EIF4G3: variants seen among roughly 807,000 people sequenced by gnomAD.
EIF4G3 encodes the protein eukaryotic translation initiation factor 4 gamma 3, also known as eIF-4-gamma 3.
EIF4G3 carries 34 observed loss-of-function variants against 186.4 expected under a neutral mutation model. The observed-to-expected ratio is 0.18, with a 90% CI of 0.14 to 0.24. The LOEUF (loss-of-function observed/expected upper bound fraction) is 0.24, where lower values mean the gene tolerates loss of function less well. Among genes scored for constraint, EIF4G3 ranks in the 10% least tolerant of loss-of-function variants. The probability of loss-of-function intolerance (pLI) is 1.00; values close to 1 mark genes in which losing one functional copy is unlikely to be tolerated. For synonymous variants in EIF4G3, 673 were observed against 679.5 expected (o/e 0.99, Z 0.15); for missense variants, 1,536 against 1,948.5 (o/e 0.79, Z 3.99).
At position 20,851,330 on chromosome 1, in the gene EIF4G3, T is replaced by G. The variant is rs2073219490; in HGVS notation, c.3700A>C (p.Lys1234Gln). ...EQRREMLETV[K>Q]QLTGGVDVER... ...ACATCCACACCTCCTGTGAGCTGCT[T>G]CACGGTCTCCAGCATCTCTCTCCGC... is the stretch of plus-strand genomic sequence containing the variant. Residue 1234 changes from lysine (K) to glutamine (Q), a missense_variant, in exon 28 of 37, where the codon AAG becomes CAG. Coordinates refer to ENST00000602326, the MANE Select transcript of EIF4G3 (RefSeq NM_001391906.1). The G allele has an allele frequency of 6.2e-7, 1 of 1,614,060 alleles. No homozygotes were observed. The highest frequency in any genetic ancestry group is 1.7e-5 in the Admixed American group (1 of 59,994).
At chr1:21,101,575 A>AAAAAAAAAAAAAAC (rs1557966654) in intron 2 of EIF4G3, among the ~76,000 whole-genome samples, 1 of 131,074 alleles carries the variant, frequency 7.6e-6, no homozygotes, top group Non-Finnish European at 1.6e-5. Context: ...AAAAAAAAAA[A>AAAAAAAAAAAAAAC]CAACAAAAAA....
intron 24 of EIF4G3, 146 bp from the exon 25 acceptor site, chr1:20,857,643 G>C: frequency 1.4e-6 from 1 of 728,840 alleles, no homozygotes; most frequent in Non-Finnish European, 2.4e-6. Context: ...CCCATGGCAG[G>C]AAAATATAAG....
intron 2 of EIF4G3, among the ~76,000 whole-genome samples, chr1:21,153,339 AC>A (rs1187143195): frequency 3.9e-5 from 6 of 152,188 alleles, no homozygotes; most frequent in African/African-American, 1.2e-4. Context: ...TTAACTATCT[AC>A]TATGACAGCT....
At chr1:21,103,413 AAAAT>A (rs2096561374) in intron 2 of EIF4G3, among the ~76,000 whole-genome samples, 1 of 152,244 alleles carries the variant, frequency 6.6e-6, no homozygotes, top group Non-Finnish European at 1.5e-5. Context: ...GAGAACTGTA[AAAAT>A]AAAATAAAAT....
intron 3 of EIF4G3, among the ~76,000 whole-genome samples, chr1:21,077,089 G>A (rs7541923): frequency 6.6e-6 from 1 of 151,852 alleles, no homozygotes; most frequent in Non-Finnish European, 1.5e-5. Flanking sequence ...CAACTCAACA[G>A]CAAAAAGAAA....
intron 11 of EIF4G3, among the ~76,000 whole-genome samples, chr1:20,970,125 G>A (rs551440796): frequency 1.7e-4 from 26 of 152,078 alleles, no homozygotes; most frequent in African/African-American, 5.1e-4. Flanking sequence ...GGTACCTGGC[G>A]TAGAATAAAG....
Position 20,893,589 on chromosome 1 carries a change from C to T in EIF4G3, c.2181G>A (p.Leu727=). The T allele has an allele frequency of 6.3e-7, 1 of 1,591,174 alleles. No individual in the cohort carries two copies. The highest frequency in any genetic ancestry group is 8.6e-7 in the Non-Finnish European group (1 of 1,163,116). Residue 727 remains leucine, a synonymous_variant, in exon 18 of 37, where the codon TTG becomes TTA. Transcript: ENST00000602326. ...LPMRTLDPRI[L]PRGPDFTPAF... ...CTGGTGTAAAGTCTGGTCCTCGAGGCAAAATTCGAGGATCCAGAGTTCGCA... is the reference window on the plus strand; with the variant it reads ...CTGGTGTAAAGTCTGGTCCTCGAGGTAAAATTCGAGGATCCAGAGTTCGCA...
chr1:20,810,304 G>A lies in EIF4G3; in HGVS notation c.4744+434C>T, dbSNP rs1356046608. On this transcript the variant is annotated intron_variant, in intron 36 of 36. Coordinates refer to ENST00000602326, the MANE Select transcript of EIF4G3 (RefSeq NM_001391906.1). The surrounding 1 kb of genome is among the most constrained non-coding windows in gnomAD (Gnocchi z 4.1). ...CAAGTAGCTGGGATTACAGGTGCCC[G>A]CCACCACACCCAGCTAATTTTTTGT... Among the ~76,000 whole-genome samples, 3 of 151,964 alleles carry A rather than the reference G, an allele frequency of 2.0e-5. No homozygotes were observed. Among genetic ancestry groups the A allele is most frequent in the Non-Finnish European group, 4.4e-5 (3 of 67,984 alleles).
chr1:20,814,468 CAT>C (rs992130518), intron 34 of EIF4G3, among the ~76,000 whole-genome samples: 1 of 152,094 alleles, frequency 6.6e-6, no homozygotes, highest in African/African-American at 2.4e-5. Context: ...CACTTAAAAA[CAT>C]ATTTTATTCC....
chr1:21,010,419 C>CAAAAAAAAAAAAAAAA (rs11318361), intron 4 of EIF4G3, among the ~76,000 whole-genome samples: 5 of 101,078 alleles, frequency 4.9e-5, no homozygotes, highest in Admixed American at 9.9e-5. Context: ...GACTCTGTCT[C>CAAAAAAAAAAAAAAAA]AAAAAAAAAA....
intron 4 of EIF4G3, among the ~76,000 whole-genome samples, chr1:21,024,493 T>G (rs954994412): frequency 5.3e-4 from 80 of 151,938 alleles, no homozygotes; most frequent in Admixed American, 2.2e-3. Context: ...ATGGTTGCCG[T>G]GTCTGTGTAG....
At chr1:21,168,329 G>A (rs1037889860) in intron 2 of EIF4G3, among the ~76,000 whole-genome samples, 11 of 151,894 alleles carry the variant, frequency 7.2e-5, no homozygotes, top group Admixed American at 3.9e-4. Flanking sequence ...TGCTTGACCC[G>A]GGAGGCCAAG....
intron 29 of EIF4G3, chr1:20,841,356 T>C (rs978501209): frequency 7.2e-5 from 12 of 165,642 alleles, no homozygotes; most frequent in Non-Finnish European, 1.2e-4. Flanking sequence ...CTAACATGTT[T>C]AGTTTAACAA....
intron 3 of EIF4G3, among the ~76,000 whole-genome samples, chr1:21,055,119 T>A (rs1374560408): frequency 6.6e-6 from 1 of 152,198 alleles, no homozygotes; most frequent in Admixed American, 6.5e-5. Context: ...ACATCTACTT[T>A]AGAAAATTAA....
chr1:21,170,670 A>G (rs2097944570), intron 2 of EIF4G3, among the ~76,000 whole-genome samples: 1 of 152,032 alleles, frequency 6.6e-6, no homozygotes, highest in Admixed American at 6.6e-5. Context: ...CTGTCTCAAA[A>G]AAAAGTACAA....
chr1:20,812,692 T>A (rs570546330), intron 35 of EIF4G3, among the ~76,000 whole-genome samples: 63 of 152,346 alleles, frequency 4.1e-4, no homozygotes, highest in African/African-American at 1.4e-3. Context: ...TAAAATTGTC[T>A]TATCATATCA....
intron 14 of EIF4G3, among the ~76,000 whole-genome samples, chr1:20,929,860 G>T (rs2095208299): frequency 6.6e-6 from 1 of 152,120 alleles, no homozygotes; most frequent in Non-Finnish European, 1.5e-5. Context: ...TACTGCCAGT[G>T]TTTAATCAAA....
At chr1:20,813,303 C>T in intron 34 of EIF4G3, 64 bp from the exon 35 acceptor site, 1 of 1,216,842 alleles carries the variant, frequency 8.2e-7, no homozygotes, top group African/African-American at 1.5e-5. Context: ...GAGGCTCATG[C>T]CTGTAATCCC....
chr1:20,969,486 A>C lies in EIF4G3; in HGVS notation c.702T>G (p.Pro234=), dbSNP rs2075389334. The C allele has an allele frequency of 1.2e-6, 2 of 1,613,832 alleles. No homozygotes were observed. The highest frequency in any genetic ancestry group is 4.5e-5 in the East Asian group (2 of 44,862). ...TPPIGRPTST[P]TPPQQLPSQV... Reference sequence around the variant, plus strand: ...CACTCTGTCTTACCTGAGGAGGAGTAGGTGTGGACGTGGGTCTTCCTATGG... The same window carrying C: ...CACTCTGTCTTACCTGAGGAGGAGTCGGTGTGGACGTGGGTCTTCCTATGG... The change falls in exon 12 of 37, where the codon CCT becomes CCG. Residue 234 remains proline, a synonymous_variant. Coordinates refer to ENST00000602326, the MANE Select transcript of EIF4G3 (RefSeq NM_001391906.1).
Sources: gnomAD v4.1 joint callset for allele counts (sites outside exome capture counted in the v4.1 genomes callset) on GRCh38, gnomAD v4.1.1 for gene constraint, Gnocchi (gnomAD v3.1) non-coding constraint, MANE v1.5 for transcripts, NCBI Gene and HGNC (gene_info 2026-07-23, HGNC 2026-07-21) for gene names.